The following SPON1 variants were observed in gnomAD, a reference collection of about 807,000 sequenced individuals.
SPON1 encodes the protein spondin 1.
A neutral mutation model predicts 111.7 loss-of-function variants in SPON1; 52 were observed. That is an observed-to-expected ratio of 0.47 (90% confidence interval 0.37 to 0.59). SPON1 has a LOEUF of 0.59. Among genes scored for constraint, SPON1 ranks in the 20% least tolerant of loss-of-function variants. SPON1 has a pLI of 0.00. For synonymous variants in SPON1, 410 were observed against 395.8 expected (o/e 1.04, Z -0.43); for missense variants, 957 against 1,068.5 (o/e 0.90, Z 1.46).
At chr11:14,076,776 T>C (rs1848921474) in intron 4 of SPON1, among the ~76,000 whole-genome samples, 1 of 152,102 alleles carries the variant, frequency 6.6e-6, no homozygotes, top group Admixed American at 6.5e-5. Flanking sequence ...AACATGGCAA[T>C]AGCAAAGGAG....
chr11:14,161,271 G>GTGTATCTATATATATTTATATATTTATA (rs1847958737), intron 6 of SPON1, among the ~76,000 whole-genome samples: 1 of 10,448 alleles, frequency 9.6e-5, no homozygotes, highest in Non-Finnish European at 2.6e-4. Context: ...TTATATATCT[G>GTGTATCTATATATATTTATATATTTATA]TATATCTATA....
At chr11:14,006,037 T>C (rs1161133436) in intron 2 of SPON1, among the ~76,000 whole-genome samples, 1 of 152,182 alleles carries the variant, frequency 6.6e-6, no homozygotes, top group East Asian at 1.9e-4. Flanking sequence ...TAGTAATTAT[T>C]ATTAGGGTAA....
intron 6 of SPON1, among the ~76,000 whole-genome samples, chr11:14,149,252 G>C (rs1262180207): frequency 6.6e-6 from 1 of 151,916 alleles, no homozygotes; most frequent in Non-Finnish European, 1.5e-5. Context: ...CCCTGTAAAG[G>C]CTTAAGCACA....
chr11:13,983,595 A>G (rs1406434967), intron 2 of SPON1, among the ~76,000 whole-genome samples: 1 of 152,172 alleles, frequency 6.6e-6, no homozygotes, highest in East Asian at 1.9e-4. Context: ...GGACCCCGAC[A>G]GTGAGTCATA....
chr11:14,065,437 G>A (rs921412407), intron 3 of SPON1, among the ~76,000 whole-genome samples: 2 of 152,140 alleles, frequency 1.3e-5, no homozygotes, highest in Non-Finnish European at 1.5e-5. Context: ...TTACACCCAC[G>A]CCCAGCCACG....
chr11:14,132,081 A>T (rs1191771452), intron 5 of SPON1, among the ~76,000 whole-genome samples: 2 of 152,228 alleles, frequency 1.3e-5, no homozygotes, highest in Non-Finnish European at 2.9e-5. Context: ...GTTTGAGACC[A>T]GCCTGGCCAA....
intron 5 of SPON1, among the ~76,000 whole-genome samples, chr11:14,087,816 G>T (rs533941932): frequency 2.0e-5 from 3 of 152,156 alleles, no homozygotes; most frequent in Non-Finnish European, 4.4e-5. Context: ...TATAAATCTG[G>T]GTGCTCCTGT....
At chr11:14,138,760 C>T (rs1299055336) in intron 6 of SPON1, among the ~76,000 whole-genome samples, 2 of 152,176 alleles carry the variant, frequency 1.3e-5, no homozygotes, top group African/African-American at 4.8e-5. Context: ...ATATTTCTGG[C>T]ATGTTTACTA....
intron 6 of SPON1, among the ~76,000 whole-genome samples, chr11:14,243,034 G>C (rs1005517611): frequency 4.6e-5 from 7 of 152,242 alleles, no homozygotes; most frequent in Admixed American, 3.9e-4. Context: ...GGCCAACCAA[G>C]GCAGAATCCA....
chr11:13,995,121 A>G (rs567839801), intron 2 of SPON1, among the ~76,000 whole-genome samples: 11 of 152,292 alleles, frequency 7.2e-5, no homozygotes, highest in Non-Finnish European at 1.6e-4. Flanking sequence ...GGGCAAAATC[A>G]TGTCTATTTA....
In SPON1 at chr11:13,990,996, C is replaced by A. The variant is rs544811091; in HGVS notation, c.345+8043C>A. The stretch of plus-strand genomic sequence containing the variant: ...GTAACATGACCTTTCTCTCTGGCTG[C>A]CCTTAACATTTTTTCCTTCATTTTA... On this transcript the variant is annotated intron_variant, in intron 2 of 15. Transcript: ENST00000576479. Among the ~76,000 whole-genome samples the A allele has an allele frequency of 6.6e-5, 10 of 152,266 alleles. No individual in the cohort carries two copies. In the East Asian group the frequency reaches 1.7e-3, roughly 26 times the overall value.
chr11:14,137,858 G>A (rs150595853), intron 6 of SPON1, among the ~76,000 whole-genome samples: 4 of 152,264 alleles, frequency 2.6e-5, no homozygotes, highest in African/African-American at 7.2e-5. Context: ...TCTGCTAACA[G>A]TGCCTCAGGT....
chr11:14,149,921 C>CTGTATT (rs55752510), intron 6 of SPON1, among the ~76,000 whole-genome samples: 60,324 of 151,724 alleles, frequency 0.4, 12,141 homozygotes, highest in East Asian at 0.55. Flanking sequence ...TGAGGCATGA[C>CTGTATT]TGGGAAATCA....
intron 6 of SPON1, among the ~76,000 whole-genome samples, chr11:14,200,020 C>G (rs1848444743): frequency 6.6e-6 from 1 of 152,156 alleles, no homozygotes; most frequent in African/African-American, 2.4e-5. Flanking sequence ...CTCTCTTTTC[C>G]TTGAATACTT....
intron 2 of SPON1, among the ~76,000 whole-genome samples, chr11:14,034,093 C>G (rs1460635013): frequency 2.0e-5 from 3 of 152,162 alleles, no homozygotes; most frequent in Non-Finnish European, 2.9e-5. Flanking sequence ...GAGAGGATTA[C>G]TTGAACCCAG....
intron 6 of SPON1, among the ~76,000 whole-genome samples, chr11:14,151,328 G>C (rs1847785485): frequency 6.6e-6 from 1 of 152,188 alleles, no homozygotes; most frequent in Admixed American, 6.5e-5. Context: ...GGTGCCTAAA[G>C]TGGTAGGGGG....
At chr11:14,046,962 T>G (rs562115247) in intron 3 of SPON1, among the ~76,000 whole-genome samples, 1 of 152,192 alleles carries the variant, frequency 6.6e-6, no homozygotes. Context: ...ATTTCTTTTG[T>G]GAATGGGATC....
At chr11:14,133,302 A>T (rs1198891125) in intron 5 of SPON1, among the ~76,000 whole-genome samples, 2 of 152,234 alleles carry the variant, frequency 1.3e-5, no homozygotes, top group East Asian at 3.8e-4. Flanking sequence ...ACAACACACT[A>T]GGCACAGCAC....
chr11:14,080,323 G>T (rs1008607166), intron 5 of SPON1, among the ~76,000 whole-genome samples: 4 of 152,010 alleles, frequency 2.6e-5, no homozygotes, highest in Non-Finnish European at 4.4e-5. Flanking sequence ...CCGCCTCCCG[G>T]GTTCAAGCAG....
Sources: gnomAD v4.1 joint callset for allele counts (sites outside exome capture counted in the v4.1 genomes callset) on GRCh38, gnomAD v4.1.1 for gene constraint, MANE v1.5 for transcripts, NCBI Gene and HGNC (gene_info 2026-07-23, HGNC 2026-07-21) for gene names.